Variants in SCN3A observed in about 807,000 individuals in gnomAD.
SCN3A encodes the protein sodium channel protein type 3 subunit alpha.
SCN3A carries 60 observed loss-of-function variants against 187.6 expected under a neutral mutation model. The observed-to-expected ratio is 0.32, with a 90% CI of 0.26 to 0.40. The LOEUF (loss-of-function observed/expected upper bound fraction) is 0.40. Ranked by LOEUF, SCN3A falls within the 10% of genes least tolerant of loss-of-function variation. The probability of loss-of-function intolerance (pLI) is 1.00; values close to 1 mark genes in which losing one functional copy is unlikely to be tolerated. For synonymous variants in SCN3A, 788 were observed against 829.2 expected (o/e 0.95, Z 0.85); for missense variants, 1,601 against 2,428.2 (o/e 0.66, Z 7.16).
chr2:165,185,511 T>C (rs1207810632), intron 2 of SCN3A, among the ~76,000 whole-genome samples: 6 of 152,164 alleles, frequency 3.9e-5, no homozygotes, highest in Admixed American at 3.9e-4. Context: ...TCTGGACCCT[T>C]TTCTATTGGG....
chr2:165,104,550 T>TAA (rs1685757745), intron 21 of SCN3A, among the ~76,000 whole-genome samples: 1 of 146,168 alleles, frequency 6.8e-6, no homozygotes, highest in African/African-American at 2.5e-5. Flanking sequence ...ACTAAAAAAC[T>TAA]GAAAAAAAAA....
At chr2:165,152,534 C>T (rs945044191) in intron 11 of SCN3A, among the ~76,000 whole-genome samples, 6 of 152,070 alleles carry the variant, frequency 3.9e-5, no homozygotes, top group Non-Finnish European at 8.8e-5. Flanking sequence ...AATAAACATA[C>T]GTGTGCATGT....
At chr2:165,174,161 G>C (rs1311381557) in intron 3 of SCN3A, among the ~76,000 whole-genome samples, 1 of 152,098 alleles carries the variant, frequency 6.6e-6, no homozygotes, top group Non-Finnish European at 1.5e-5. Context: ...CTCCTGCCTT[G>C]GCCTCTCGAA....
chr2:165,089,634 ATC>A lies in SCN3A; in HGVS notation c.*514_*515del, dbSNP rs1559172220. 2.0e-5 allele frequency: 3 copies of A among 153,316 alleles called. No homozygotes were observed. The highest frequency in any genetic ancestry group is 1.3e-4 in the Admixed American group (2 of 15,390). The allele number at this position is 153,316 out of a possible 1,614,324, so 9.5% of individuals were successfully genotyped here. A position where few individuals can be genotyped will look rare whatever the true frequency, so the allele number is the denominator to read the frequency against. On this transcript the variant is annotated 3_prime_UTR_variant, in exon 28 of 28. Transcript: ENST00000283254. Reference sequence around the variant, plus strand: ...TTTTCTGGTTTTGAGCAAAAATTTTATCTCTCTGGCAAAACACCTTTGTCTGA... The same window carrying A: ...TTTTCTGGTTTTGAGCAAAAATTTTATCTCTGGCAAAACACCTTTGTCTGA...
At chr2:165,161,137 C>CGTTTTTTTTTT (rs1689349882) in intron 9 of SCN3A, among the ~76,000 whole-genome samples, 1 of 93,368 alleles carries the variant, frequency 1.1e-5, no homozygotes, top group Non-Finnish European at 2.2e-5. Flanking sequence ...TTCTTTCTTT[C>CGTTTTTTTTTT]TTTTTTTTTT....
chr2:165,109,101 A>G (rs1685995215), intron 21 of SCN3A, among the ~76,000 whole-genome samples: 1 of 152,126 alleles, frequency 6.6e-6, no homozygotes, highest in Non-Finnish European at 1.5e-5. Context: ...GGAAAAACCC[A>G]ACTATCTTCT....
At chr2:165,101,492 G>T (rs1009371832) in intron 21 of SCN3A, among the ~76,000 whole-genome samples, 1 of 152,006 alleles carries the variant, frequency 6.6e-6, no homozygotes. Context: ...TAGAATTGGC[G>T]ATTTGAACCC....
intron 18 of SCN3A, among the ~76,000 whole-genome samples, chr2:165,122,230 C>CTTTTTTTTTTTT (rs776949572): frequency 1.8e-5 from 2 of 113,914 alleles, no homozygotes; most frequent in Admixed American, 9.7e-5. Flanking sequence ...TTCTTTCTTT[C>CTTTTTTTTTTTT]TTTTTTTTCT....
intron 16 of SCN3A, among the ~76,000 whole-genome samples, chr2:165,130,620 C>T (rs1441958912): frequency 6.6e-6 from 1 of 151,908 alleles, no homozygotes; most frequent in Non-Finnish European, 1.5e-5. Context: ...TAAATGTTAT[C>T]TTCAGATTCT....
intron 21 of SCN3A, among the ~76,000 whole-genome samples, chr2:165,109,836 T>C (rs1686032937): frequency 6.6e-6 from 1 of 152,176 alleles, no homozygotes; most frequent in Non-Finnish European, 1.5e-5. Context: ...TACAATAAAA[T>C]ACGAACTTCT....
At position 165,092,175 on chromosome 2, in the gene SCN3A, T is replaced by C; in HGVS notation, c.4807+79A>G. On this transcript the variant is annotated intron_variant, in intron 27 of 27. Coordinates refer to ENST00000283254, the MANE Select transcript of SCN3A (RefSeq NM_006922.4). This position sits in a 1 kb window ranked among gnomAD's most constrained non-coding sequence, Gnocchi z 4.2. ...ATGCATTATTATTCTCAGACCTAAT[T>C]TCCATGTTAATCAGCTAGAAGGTCC... 7.4e-7 allele frequency: 1 copy of C among 1,358,380 alleles called. No homozygotes were observed. Among genetic ancestry groups the C allele is most frequent in the South Asian group, 1.2e-5 (1 of 85,386 alleles). The allele number at this position is 1,358,380 out of a possible 1,614,324, so 84.1% of individuals were successfully genotyped here.
At chr2:165,138,550 C>G (rs1435681374) in intron 14 of SCN3A, among the ~76,000 whole-genome samples, 1 of 152,092 alleles carries the variant, frequency 6.6e-6, no homozygotes, top group Non-Finnish European at 1.5e-5. Context: ...ACTATTCTCT[C>G]CTCTCATAGT....
chr2:165,148,305 G>A (rs1688476012), intron 11 of SCN3A, among the ~76,000 whole-genome samples: 1 of 151,320 alleles, frequency 6.6e-6, no homozygotes, highest in Non-Finnish European at 1.5e-5. Context: ...ATAGCAAGTT[G>A]ACTTTTCAAG....
At chr2:165,179,844 T>G (rs1690723456) in intron 2 of SCN3A, among the ~76,000 whole-genome samples, 1 of 152,162 alleles carries the variant, frequency 6.6e-6, no homozygotes, top group South Asian at 2.1e-4. Flanking sequence ...TTCCTCTCCT[T>G]TCTTGTACTC....
intron 21 of SCN3A, among the ~76,000 whole-genome samples, chr2:165,100,735 T>C (rs909501178): frequency 6.6e-6 from 1 of 152,230 alleles, no homozygotes; most frequent in African/African-American, 2.4e-5. Flanking sequence ...TTGAGTTCAA[T>C]GCCAGATCCT....
At chr2:165,198,478 GT>G (rs1004687309) in intron 1 of SCN3A, among the ~76,000 whole-genome samples, 2 of 152,122 alleles carry the variant, frequency 1.3e-5, no homozygotes, top group Admixed American at 6.6e-5. Context: ...CTACACATGT[GT>G]TTTATTGAAT....
Position 165,097,692 on chromosome 2 carries a change from C to T in SCN3A, c.3967-168G>A, listed in dbSNP as rs78667275. 2,174 of 825,146 alleles carry T rather than the reference C, an allele frequency of 2.6e-3. 30 individuals are homozygous for T. In the African/African-American group the frequency reaches 0.033, roughly 13 times the overall value. The allele number at this position is 825,146 out of a possible 1,614,324, so 51.1% of individuals were successfully genotyped here. On this transcript the variant is annotated intron_variant, in intron 22 of 27. Coordinates refer to ENST00000283254, the MANE Select transcript of SCN3A (RefSeq NM_006922.4). ...TAGCACATATTTGAAGGAAAACAAACAATGACACAACTAAAGAGCTAAGGT... is the reference window on the plus strand; with the variant it reads ...TAGCACATATTTGAAGGAAAACAAATAATGACACAACTAAAGAGCTAAGGT...
chr2:165,121,072 T>C (rs1039955646), intron 18 of SCN3A, among the ~76,000 whole-genome samples: 1 of 152,074 alleles, frequency 6.6e-6, no homozygotes. Flanking sequence ...TAATTTTTTT[T>C]TTTTTCAGCA....
chr2:165,119,851 T>A (rs571120166), intron 18 of SCN3A: 1 of 152,280 alleles, frequency 6.6e-6, no homozygotes, highest in Non-Finnish European at 1.5e-5. Flanking sequence ...CTATACTAAA[T>A]AACTAAATTC....
Sources: gnomAD v4.1 joint callset for allele counts (sites outside exome capture counted in the v4.1 genomes callset) on GRCh38, gnomAD v4.1.1 for gene constraint, Gnocchi (gnomAD v3.1) non-coding constraint, MANE v1.5 for transcripts, NCBI Gene and HGNC (gene_info 2026-07-23, HGNC 2026-07-21) for gene names.